SORCS1: variants seen among roughly 807,000 people sequenced by gnomAD.
The protein encoded by SORCS1 is VPS10 domain-containing receptor SorCS1.
A neutral mutation model predicts 146.1 loss-of-function variants in SORCS1; 60 were observed. That is an observed-to-expected ratio of 0.41 (90% CI 0.33 to 0.51). SORCS1 has a LOEUF of 0.51. SORCS1 is among the 20% of genes least tolerant of loss of function. The pLI, the probability that SORCS1 is intolerant of heterozygous loss-of-function variation, is 0.21. For synonymous variants in SORCS1, 637 were observed against 584.0 expected (o/e 1.09, Z -1.31); for missense variants, 1,352 against 1,487.6 (o/e 0.91, Z 1.50).
chr10:106,991,889 A>T (rs567981538), intron 1 of SORCS1, among the ~76,000 whole-genome samples: 53 of 152,338 alleles, frequency 3.5e-4, no homozygotes, highest in Middle Eastern at 3.4e-3. Context: ...CGTCTCATTA[A>T]TTTCTACATT....
intron 2 of SORCS1, among the ~76,000 whole-genome samples, chr10:106,887,212 T>C (rs1951033750): frequency 6.6e-6 from 1 of 152,200 alleles, no homozygotes; most frequent in Non-Finnish European, 1.5e-5. Context: ...ATTCAACAAA[T>C]TGTTAAAACT....
intron 24 of SORCS1, among the ~76,000 whole-genome samples, chr10:106,582,312 C>T (rs1383686403): frequency 1.3e-5 from 2 of 152,200 alleles, no homozygotes; most frequent in Non-Finnish European, 2.9e-5. Context: ...AAATGAACTT[C>T]TGTATCCCAG....
intron 5 of SORCS1, among the ~76,000 whole-genome samples, chr10:106,741,305 A>G (rs574930678): frequency 1.8e-4 from 28 of 152,230 alleles, no homozygotes; most frequent in Non-Finnish European, 3.8e-4. Context: ...ACACACTAAA[A>G]AGATAAGGAG....
chr10:106,681,576 A>G (rs1219086303), intron 10 of SORCS1, among the ~76,000 whole-genome samples: 1 of 152,150 alleles, frequency 6.6e-6, no homozygotes, highest in Non-Finnish European at 1.5e-5. Context: ...TGTGGGCTGG[A>G]TTATCAACCA....
At chr10:106,902,134 T>G (rs151017334) in intron 2 of SORCS1, among the ~76,000 whole-genome samples, 44 of 152,126 alleles carry the variant, frequency 2.9e-4, no homozygotes, top group Admixed American at 6.5e-5. Flanking sequence ...ATTAGTAAAA[T>G]AGGCACTCTG....
At chr10:106,826,858 A>G (rs1477239160) in intron 3 of SORCS1, among the ~76,000 whole-genome samples, 1 of 152,230 alleles carries the variant, frequency 6.6e-6, no homozygotes, top group Non-Finnish European at 1.5e-5. Context: ...AGAGAAAGCC[A>G]TTCCCTCATA....
intron 2 of SORCS1, among the ~76,000 whole-genome samples, chr10:106,867,864 A>G (rs1266462882): frequency 6.6e-6 from 1 of 152,158 alleles, no homozygotes; most frequent in Non-Finnish European, 1.5e-5. Context: ...ATCAATACCA[A>G]CCTTGAATGT....
chr10:106,946,200 A>G (rs544052785), intron 2 of SORCS1, among the ~76,000 whole-genome samples: 45 of 115,588 alleles, frequency 3.9e-4, no homozygotes, highest in African/African-American at 1.1e-3. Context: ...AAATCATTTC[A>G]TAACATACTC....
At chr10:106,743,724 C>G (rs751524705) in intron 5 of SORCS1, among the ~76,000 whole-genome samples, 1 of 152,088 alleles carries the variant, frequency 6.6e-6, no homozygotes, top group Non-Finnish European at 1.5e-5. Flanking sequence ...CGCACCCGGC[C>G]TGTATAATTT....
At chr10:106,637,344 G>T (rs917330022) in intron 18 of SORCS1, among the ~76,000 whole-genome samples, 3 of 152,216 alleles carry the variant, frequency 2.0e-5, no homozygotes, top group Non-Finnish European at 4.4e-5. Flanking sequence ...TTCCCAGGAT[G>T]TCTGGTTTGA....
intron 1 of SORCS1, among the ~76,000 whole-genome samples, chr10:106,983,164 CTATA>C (rs1004690536): frequency 1.6e-4 from 23 of 145,626 alleles, no homozygotes; most frequent in African/African-American, 5.8e-4. Flanking sequence ...ACACATATTT[CTATA>C]TATAAATATA....
At chr10:106,762,077 T>A (rs1210499101) in intron 4 of SORCS1, among the ~76,000 whole-genome samples, 2 of 152,136 alleles carry the variant, frequency 1.3e-5, no homozygotes, top group African/African-American at 4.8e-5. Flanking sequence ...TGAACCTGGC[T>A]CACATAATGA....
intron 1 of SORCS1, among the ~76,000 whole-genome samples, chr10:106,962,572 C>T (rs1462564047): frequency 6.6e-6 from 1 of 152,044 alleles, no homozygotes; most frequent in Admixed American, 6.6e-5. Context: ...TACACAATCC[C>T]AAAATGTCTT....
chr10:107,073,870 G>T (rs1163810632), intron 1 of SORCS1, among the ~76,000 whole-genome samples: 1 of 152,000 alleles, frequency 6.6e-6, no homozygotes, highest in Non-Finnish European at 1.5e-5. Context: ...CCTGGGCTTG[G>T]ACTTTTTTTT....
chr10:106,864,388 G>A (rs905698195), intron 2 of SORCS1, among the ~76,000 whole-genome samples: 1 of 152,126 alleles, frequency 6.6e-6, no homozygotes, highest in African/African-American at 2.4e-5. Context: ...CAACCCTCGA[G>A]TCAGAAGATC....
chr10:106,596,505 C>G (rs112082133), intron 24 of SORCS1, among the ~76,000 whole-genome samples: 1,524 of 152,216 alleles, frequency 0.01, 31 homozygotes, highest in African/African-American at 0.035. Context: ...TTATTGAAAA[C>G]TCTCCATAAG....
chr10:106,660,379 C>A (rs1340009872), intron 17 of SORCS1, among the ~76,000 whole-genome samples: 1 of 152,134 alleles, frequency 6.6e-6, no homozygotes, highest in African/African-American at 2.4e-5. Flanking sequence ...AAACATTTAT[C>A]CTTTCTTTGT....
At chr10:106,664,448 C>A (rs1589606519) in intron 17 of SORCS1, among the ~76,000 whole-genome samples, 1 of 152,126 alleles carries the variant, frequency 6.6e-6, no homozygotes, top group Admixed American at 6.5e-5. Context: ...CAAGACCATC[C>A]TGGCTACTAT....
At chr10:107,022,347 G>T (rs1958188140) in intron 1 of SORCS1, among the ~76,000 whole-genome samples, 1 of 152,172 alleles carries the variant, frequency 6.6e-6, no homozygotes, top group South Asian at 2.1e-4. Context: ...AAGACTTTAA[G>T]TGGAACCATG....
Sources: gnomAD v4.1 joint callset for allele counts (sites outside exome capture counted in the v4.1 genomes callset) on GRCh38, gnomAD v4.1.1 for gene constraint, MANE v1.5 for transcripts, NCBI Gene and HGNC (gene_info 2026-07-23, HGNC 2026-07-21) for gene names.